RASEF: variants seen among roughly 807,000 people sequenced by gnomAD.
The protein encoded by RASEF is RAS and EF-hand domain containing, also known as ras and EF-hand domain-containing protein.
A neutral mutation model predicts 90.1 loss-of-function variants in RASEF; 68 were observed. The ratio of observed to expected loss-of-function variants is 0.75; its 90% confidence interval spans 0.62 to 0.92. RASEF has a LOEUF of 0.92. Ranked by LOEUF, RASEF falls within the 40% of genes least tolerant of loss-of-function variation. RASEF has a pLI of 0.00. For synonymous variants in RASEF, 331 were observed against 345.2 expected, an observed-to-expected ratio of 0.96 and a Z score of 0.46; for missense variants, 949 against 937.2, an observed-to-expected ratio of 1.01 and a Z score of -0.16.
the RASEF span, among the ~76,000 whole-genome samples, chr9:83,178,965 T>C: frequency 6.6e-6 from 1 of 152,186 alleles, no homozygotes. Flanking sequence ...ACAATCTGAT[T>C]ATTTTACCCC....
chr9:83,160,814 A>G, the RASEF span, among the ~76,000 whole-genome samples: 1 of 152,102 alleles, frequency 6.6e-6, no homozygotes, highest in Admixed American at 6.5e-5. Flanking sequence ...TGCAGCCTAG[A>G]GATTTGGTGC....
the RASEF span, among the ~76,000 whole-genome samples, chr9:83,075,178 T>C: frequency 2.3e-3 from 343 of 152,308 alleles, no homozygotes; most frequent in African/African-American, 8.1e-3. Context: ...GTTCCCCATG[T>C]TGCCTTACCT....
the RASEF span, among the ~76,000 whole-genome samples, chr9:83,144,378 A>AGGAAG: frequency 0.013 from 731 of 58,078 alleles, 32 homozygotes; most frequent in African/African-American, 0.054. Flanking sequence ...AAAGAAAGAA[A>AGGAAG]GAAAGAAAGA....
At chr9:83,187,498 G>T in the RASEF span, among the ~76,000 whole-genome samples, 1 of 152,070 alleles carries the variant, frequency 6.6e-6, no homozygotes, top group Non-Finnish European at 1.5e-5. Context: ...TAAAAGTCAT[G>T]ACCTAAGGAT....
chr9:83,124,260 G>T, the RASEF span, among the ~76,000 whole-genome samples: 2 of 152,280 alleles, frequency 1.3e-5, no homozygotes, highest in East Asian at 3.9e-4. Flanking sequence ...ATGAACATGG[G>T]TGTATGAATA....
At chr9:83,088,873 C>G in the RASEF span, among the ~76,000 whole-genome samples, 1 of 151,810 alleles carries the variant, frequency 6.6e-6, no homozygotes. Flanking sequence ...TCCATTATGC[C>G]AATGTCAGCC....
intron 1 of RASEF, among the ~76,000 whole-genome samples, chr9:83,045,491 G>T (rs1035716279): frequency 1.3e-5 from 2 of 152,176 alleles, no homozygotes; most frequent in Non-Finnish European, 2.9e-5. Flanking sequence ...CAACCTAATG[G>T]ATTTCTGAAC....
chr9:83,022,537 C>T (rs1017698041), intron 2 of RASEF, 111 bp from the exon 3 acceptor site: 11 of 724,272 alleles, frequency 1.5e-5, no homozygotes, highest in Non-Finnish European at 2.6e-5. Flanking sequence ...TGAAGAGAAA[C>T]ACCCCATTCA....
chr9:83,068,828 G>A, the RASEF span, among the ~76,000 whole-genome samples: 18 of 152,296 alleles, frequency 1.2e-4, no homozygotes, highest in African/African-American at 4.3e-4. Context: ...CGGGGAAGGA[G>A]GTAAGTGTTA....
chr9:83,166,770 A>G, the RASEF span, among the ~76,000 whole-genome samples: 2 of 151,174 alleles, frequency 1.3e-5, no homozygotes, highest in Admixed American at 1.4e-4. Context: ...CAGAGAACTC[A>G]CTCAGTGACC....
At chr9:83,171,663 A>T in the RASEF span, among the ~76,000 whole-genome samples, 4 of 151,840 alleles carry the variant, frequency 2.6e-5, no homozygotes, top group East Asian at 7.7e-4. Flanking sequence ...GGTAAGTTGT[A>T]TGTGTCTAGG....
chr9:83,158,758 GTATATATA>G, the RASEF span, among the ~76,000 whole-genome samples: 2 of 27,216 alleles, frequency 7.3e-5, no homozygotes, highest in African/African-American at 3.9e-4. Flanking sequence ...ATGCATATAT[GTATATATA>G]CACACATATG....
the RASEF span, among the ~76,000 whole-genome samples, chr9:83,140,319 G>A: frequency 6.6e-6 from 1 of 152,186 alleles, no homozygotes; most frequent in African/African-American, 2.4e-5. Flanking sequence ...AGAGACTGAA[G>A]TTCCCCACAT....
chr9:83,072,140 G>A, the RASEF span, among the ~76,000 whole-genome samples: 32 of 152,086 alleles, frequency 2.1e-4, no homozygotes, highest in African/African-American at 6.8e-4. Flanking sequence ...CTATTGACCA[G>A]GTATTCTCCT....
the RASEF span, among the ~76,000 whole-genome samples, chr9:83,122,555 C>T: frequency 1.6e-3 from 248 of 152,138 alleles, 1 homozygote; most frequent in African/African-American, 5.4e-3. Context: ...CCTCAGATTG[C>T]GTGAGAGAGC....
chr9:83,141,235 A>C, the RASEF span, among the ~76,000 whole-genome samples: 1 of 152,112 alleles, frequency 6.6e-6, no homozygotes, highest in Non-Finnish European at 1.5e-5. Flanking sequence ...ATAGCTAATG[A>C]AAATCCTCCT....
At chr9:83,161,008 C>T in the RASEF span, among the ~76,000 whole-genome samples, 3 of 152,138 alleles carry the variant, frequency 2.0e-5, no homozygotes, top group African/African-American at 7.2e-5. Context: ...TATGGACTTG[C>T]CTGAATGCAC....
At chr9:83,059,355 A>G (rs114173281) in intron 1 of RASEF, among the ~76,000 whole-genome samples, 1,817 of 145,684 alleles carry the variant, frequency 0.012, 36 homozygotes, top group African/African-American at 0.044. Context: ...GGCTCACAAC[A>G]GTAACTGAAA....
chr9:82,995,125 G>C (rs1261918775), intron 14 of RASEF, among the ~76,000 whole-genome samples: 1 of 152,162 alleles, frequency 6.6e-6, no homozygotes, highest in Non-Finnish European at 1.5e-5. Flanking sequence ...CAGACCATAG[G>C]AAAACGTGAT....
Sources: gnomAD v4.1 joint callset for allele counts (sites outside exome capture counted in the v4.1 genomes callset) on GRCh38, gnomAD v4.1.1 for gene constraint, MANE v1.5 for transcripts, NCBI Gene and HGNC (gene_info 2026-07-23, HGNC 2026-07-21) for gene names.